The following CHMP1A variants were observed in gnomAD, a reference collection of about 807,000 sequenced individuals.
CHMP1A encodes the protein charged multivesicular body protein 1A.
CHMP1A carries 17 observed loss-of-function variants against 27.0 expected under a neutral mutation model. That is an observed-to-expected ratio of 0.63 (90% CI 0.43 to 0.95). The LOEUF (loss-of-function observed/expected upper bound fraction) is 0.95, where lower values mean the gene tolerates loss of function less well. Ranked by LOEUF, CHMP1A falls within the 40% of genes least tolerant of loss-of-function variation. CHMP1A has a pLI of 0.00. For synonymous variants in CHMP1A, 131 were observed against 107.5 expected (o/e 1.22, Z -1.35); for missense variants, 275 against 264.0 (o/e 1.04, Z -0.29).
In CHMP1A at chr16:89,651,680, T is replaced by G. The variant is rs781407218; in HGVS notation, c.28-34A>C. The G allele has an allele frequency of 4.4e-6, 7 of 1,608,262 alleles. No homozygotes were observed. The African/African-American group carries it at 6.7e-5, about 15-fold the overall frequency. ...AAGCCGGAATGTCCTGGGTCAGACA[T>G]GCGGAGCCCATCCCCCAGGCCCGGC... On this transcript the variant is annotated intron_variant, in intron 2 of 6. Coordinates refer to ENST00000397901, the MANE Select transcript of CHMP1A (RefSeq NM_002768.5).
rs776834821 is a variant in CHMP1A at position 89,646,692 on chromosome 16, G to A, written c.404C>T (p.Ser135Leu). The A allele has an allele frequency of 1.2e-5, 20 of 1,609,634 alleles. No individual in the cohort carries two copies. Among genetic ancestry groups the A allele is most frequent in the South Asian group, 3.3e-5 (3 of 90,158 alleles). Residue 135 changes from serine (S) to leucine (L), a missense_variant, in exon 6 of 7, where the codon TCG (serine) becomes TTG (leucine). By Grantham distance (145) the Ser-to-Leu change is moderately radical (BLOSUM62 -2). Transcript: ENST00000397901. ...HTSVMEDSMSSATTLTTPQEQ... is the reference protein window; with the variant it reads ...HTSVMEDSMSLATTLTTPQEQ... ...CTGCGGCGTGGTCAGGGTGGTGGCC[G>A]AGCTCATGGAGTCCTCCATCACCTG...
chr16:89,646,041 G>A lies in CHMP1A; in HGVS notation c.*25C>T. The A allele has an allele frequency of 1.9e-6, 3 of 1,589,188 alleles. No homozygotes were observed. Among genetic ancestry groups the A allele is most frequent in the Non-Finnish European group, 2.6e-6 (3 of 1,168,806 alleles). ...GCCTTCCAGCACATCACGGGGCAGA[G>A]GCGGTGCACACCGGCGGGGCACGGC... On this transcript the variant is annotated 3_prime_UTR_variant, in exon 7 of 7. Coordinates refer to ENST00000397901, the MANE Select transcript of CHMP1A (RefSeq NM_002768.5).
chr16:89,648,986 C>A lies in CHMP1A; in HGVS notation c.252+365G>T, dbSNP rs142398517. On this transcript the variant is annotated intron_variant, in intron 4 of 6. Transcript: ENST00000397901. ...GCTGCAGTGAGCTGTGACTGCACCA[C>A]TGCACTCCAGCCTGGGTGACAGAGC... Among the ~76,000 whole-genome samples, 1,263 of 151,990 alleles carry A rather than the reference C, an allele frequency of 8.3e-3. 10 individuals are homozygous for A. Among genetic ancestry groups the A allele is most frequent in the African/African-American group, 0.029 (1,192 of 41,418 alleles).
chr16:89,646,846 G>A, intron 5 of CHMP1A, 132 bp from the exon 6 acceptor site: 1 of 1,106,024 alleles, frequency 9.0e-7, no homozygotes, highest in Non-Finnish European at 1.3e-6. Context: ...TTCTCTCAGT[G>A]ACTCTCTCTG....
At chr16:89,647,029 C>T in intron 5 of CHMP1A, 174 bp downstream of exon 5, 1 of 1,521,480 alleles carries the variant, frequency 6.6e-7, no homozygotes, top group African/African-American at 1.4e-5. Flanking sequence ...GCCCTGCCCA[C>T]CCTACCTGTC....
chr16:89,650,341 G>A (rs904351201), intron 3 of CHMP1A, among the ~76,000 whole-genome samples: 2 of 152,030 alleles, frequency 1.3e-5, no homozygotes, highest in Non-Finnish European at 1.5e-5. Flanking sequence ...ACTGCGCCCG[G>A]CCTAGATCCC....
chr16:89,649,280 C>T, intron 4 of CHMP1A, 71 bp downstream of exon 4: 1 of 1,552,908 alleles, frequency 6.4e-7, no homozygotes, highest in Non-Finnish European at 8.8e-7. Context: ...TGCCCCAGAT[C>T]CAGACCGCAG....
At chr16:89,648,415 G>A (rs1434689011) in intron 4 of CHMP1A, among the ~76,000 whole-genome samples, 1 of 149,954 alleles carries the variant, frequency 6.7e-6, no homozygotes, top group African/African-American at 2.4e-5. Flanking sequence ...GACCCAGCGC[G>A]GGGTCGGTGG....
intron 1 of CHMP1A, 49 bp downstream of exon 1, chr16:89,657,533 C>T (rs2151520654): frequency 6.2e-7 from 1 of 1,604,534 alleles, no homozygotes; most frequent in Non-Finnish European, 8.5e-7. Context: ...GTGGGAGAAG[C>T]GGCCCCGCCC....
intron 1 of CHMP1A, among the ~76,000 whole-genome samples, chr16:89,656,775 C>T (rs1191779946): frequency 2.0e-5 from 3 of 152,122 alleles, no homozygotes; most frequent in African/African-American, 7.2e-5. Context: ...TTTTCTGGTG[C>T]CCTCTGACCC....
intron 4 of CHMP1A, 29 bp from the exon 5 acceptor site, chr16:89,647,360 C>T: frequency 6.3e-7 from 1 of 1,592,098 alleles, no homozygotes; most frequent in Non-Finnish European, 8.6e-7. Context: ...CAGGAGGGAA[C>T]AGGATGAAAG....
chr16:89,645,957 G>A lies in CHMP1A; in HGVS notation c.*109C>T, dbSNP rs375366854. On this transcript the variant is annotated 3_prime_UTR_variant, in exon 7 of 7. Transcript: ENST00000397901. ...GGCAGGTGAGAGACGCAGAGTGGCT[G>A]CCGGCCGCAGCCCCGCGGGGTCAGC... The A allele has an allele frequency of 1.8e-4, 282 of 1,611,016 alleles. No homozygotes were observed. The highest frequency in any genetic ancestry group is 5.0e-4 in the Middle Eastern group (3 of 6,004).
At chr16:89,649,640 ATC>A in intron 3 of CHMP1A, 143 bp from the exon 4 acceptor site, 1 of 949,356 alleles carries the variant, frequency 1.1e-6, no homozygotes, top group South Asian at 1.5e-5. Flanking sequence ...CAGTGGCACG[ATC>A]TCGACTCAAC....
rs2059768827 is a variant in CHMP1A, at chr16:89,645,793, C to T, written c.*273G>A. 3.2e-6 allele frequency: 3 copies of T among 943,294 alleles called. No homozygotes were observed. Among genetic ancestry groups the T allele is most frequent in the Admixed American group, 5.9e-5 (2 of 33,640 alleles). 58.4% of individuals were successfully genotyped at this position (943,294 alleles called of 1,614,324 possible). ...CCCCACAGTGCTGGGTGAAAGTCCACAGGGCCCCTCTTGGCCTCCCCGCTG... is the reference window on the plus strand; with the variant it reads ...CCCCACAGTGCTGGGTGAAAGTCCATAGGGCCCCTCTTGGCCTCCCCGCTG... On this transcript the variant is annotated 3_prime_UTR_variant, in exon 7 of 7. Transcript: ENST00000397901.
intron 3 of CHMP1A, among the ~76,000 whole-genome samples, chr16:89,650,477 C>T (rs1568002516): frequency 6.6e-6 from 1 of 152,166 alleles, no homozygotes; most frequent in African/African-American, 2.4e-5. Context: ...CCCTGATGCC[C>T]TAGACACCAG....
Position 89,651,620 on chromosome 16 carries a change from C to T in CHMP1A, c.54G>A (p.Leu18=). The part of the protein sequence containing the change: ...LKFTAKQLEK[L]AKKAEKDSKA... ...TGGAGTCCTTCTCCGCCTTCTTGGC[C>T]AGCTTCTCCAGCTGCTTCGCCGTGA... Residue 18 remains leucine, a synonymous_variant, in exon 3 of 7, where the codon CTG becomes CTA. Coordinates refer to ENST00000397901, the MANE Select transcript of CHMP1A (RefSeq NM_002768.5). 1 of 1,613,750 alleles carries T rather than the reference C, an allele frequency of 6.2e-7. No individual in the cohort carries two copies. The highest frequency in any genetic ancestry group is 8.5e-7 in the Non-Finnish European group (1 of 1,179,848).
chr16:89,655,870 C>G (rs1333226459), intron 1 of CHMP1A, among the ~76,000 whole-genome samples: 2 of 152,202 alleles, frequency 1.3e-5, no homozygotes, highest in Non-Finnish European at 2.9e-5. Flanking sequence ...AGGTGATCAA[C>G]CAACCTCGGC....
Position 89,645,809 on chromosome 16 carries a change from C to G in CHMP1A, c.*257G>C. On this transcript the variant is annotated 3_prime_UTR_variant, in exon 7 of 7. Coordinates refer to ENST00000397901, the MANE Select transcript of CHMP1A (RefSeq NM_002768.5). Reference sequence around the variant, plus strand: ...GAAAGTCCACAGGGCCCCTCTTGGCCTCCCCGCTGTGGGCCCAGAGTCACA... The same window carrying G: ...GAAAGTCCACAGGGCCCCTCTTGGCGTCCCCGCTGTGGGCCCAGAGTCACA... 8.5e-7 allele frequency: 1 copy of G among 1,177,622 alleles called. No homozygotes were observed. The highest frequency in any genetic ancestry group is 1.2e-6 in the Non-Finnish European group (1 of 859,070). The allele number at this position is 1,177,622 out of a possible 1,614,324, so 72.9% of individuals were successfully genotyped here.
intron 2 of CHMP1A, among the ~76,000 whole-genome samples, chr16:89,652,138 C>T (rs746400303): frequency 6.6e-6 from 1 of 152,228 alleles, no homozygotes; most frequent in Non-Finnish European, 1.5e-5. Flanking sequence ...GCAGCACAAG[C>T]AGCTTCCGGG....
Sources: gnomAD v4.1 joint callset for allele counts (sites outside exome capture counted in the v4.1 genomes callset) on GRCh38, gnomAD v4.1.1 for gene constraint, MANE v1.5 for transcripts, NCBI Gene and HGNC (gene_info 2026-07-23, HGNC 2026-07-21) for gene names.